Variants in SNX29 observed in about 807,000 individuals in gnomAD.
SNX29 encodes the protein sorting nexin 29.
In SNX29, 78 loss-of-function variants were observed where a neutral mutation model predicts 102.1. The observed-to-expected ratio is 0.76, with a 90% CI of 0.64 to 0.92. SNX29 has a LOEUF of 0.92. SNX29 is among the 40% of genes least tolerant of loss of function. The pLI is 0.00. For synonymous variants in SNX29, 580 were observed against 414.5 expected, an observed-to-expected ratio of 1.40 and a Z score of -4.85; for missense variants, 1,280 against 1,061.7, an observed-to-expected ratio of 1.21 and a Z score of -2.86.
At chr16:12,232,684 C>G (rs1393412321) in intron 14 of SNX29, among the ~76,000 whole-genome samples, 6 of 152,134 alleles carry the variant, frequency 3.9e-5, no homozygotes, top group Admixed American at 2.6e-4. Context: ...CAACAAGGAC[C>G]CTTTTCCTTT....
intron 20 of SNX29, among the ~76,000 whole-genome samples, chr16:12,551,252 C>G (rs546419971): frequency 1.3e-5 from 2 of 152,292 alleles, no homozygotes; most frequent in South Asian, 2.1e-4. Context: ...CTAAAAATCA[C>G]TGCTCCGGAG....
At chr16:12,384,819 G>A (rs2083289560) in intron 16 of SNX29, among the ~76,000 whole-genome samples, 1 of 152,178 alleles carries the variant, frequency 6.6e-6, no homozygotes, top group Non-Finnish European at 1.5e-5. Context: ...TGGGGCAGTA[G>A]GAAATAAACC....
intron 3 of SNX29, among the ~76,000 whole-genome samples, chr16:12,016,461 T>G (rs549943620): frequency 1.3e-5 from 2 of 152,218 alleles, no homozygotes; most frequent in African/African-American, 2.4e-5. Flanking sequence ...GGCACAAGAG[T>G]GTCATTGCTA....
intron 14 of SNX29, among the ~76,000 whole-genome samples, chr16:12,238,573 C>T (rs1233127869): frequency 6.6e-6 from 1 of 152,224 alleles, no homozygotes; most frequent in African/African-American, 2.4e-5. Flanking sequence ...ATCCGCCCGC[C>T]TTGGCCTCCC....
intron 20 of SNX29, among the ~76,000 whole-genome samples, chr16:12,535,671 G>T (rs1194455298): frequency 6.6e-6 from 1 of 152,162 alleles, no homozygotes; most frequent in Non-Finnish European, 1.5e-5. Flanking sequence ...CAGGGCTGGG[G>T]CTTTCCAGGT....
At chr16:12,537,205 G>A (rs1192902279) in intron 20 of SNX29, among the ~76,000 whole-genome samples, 1 of 152,178 alleles carries the variant, frequency 6.6e-6, no homozygotes, top group African/African-American at 2.4e-5. Context: ...CTAAATTGCT[G>A]AGCTTAGAGA....
At chr16:12,316,549 C>T (rs2080749173) in intron 15 of SNX29, among the ~76,000 whole-genome samples, 1 of 152,012 alleles carries the variant, frequency 6.6e-6, no homozygotes, top group South Asian at 2.1e-4. Flanking sequence ...TTTCAAAAAA[C>T]AACAAAAAAA....
chr16:12,176,920 G>A (rs1274429703), intron 13 of SNX29, among the ~76,000 whole-genome samples: 1 of 151,898 alleles, frequency 6.6e-6, no homozygotes, highest in Non-Finnish European at 1.5e-5. Flanking sequence ...CAGGTCCTGG[G>A]GTCGGGCTGT....
At chr16:12,315,592 T>TGC (rs1258000373) in intron 15 of SNX29, among the ~76,000 whole-genome samples, 1 of 152,072 alleles carries the variant, frequency 6.6e-6, no homozygotes, top group African/African-American at 2.4e-5. Context: ...GATGAGACAG[T>TGC]GTAAAGACAC....
At chr16:12,377,761 T>C (rs1257669255) in intron 16 of SNX29, among the ~76,000 whole-genome samples, 3 of 152,158 alleles carry the variant, frequency 2.0e-5, no homozygotes, top group South Asian at 2.1e-4. Flanking sequence ...GAGCCACTCA[T>C]TTAGCCCATG....
At chr16:12,398,532 C>T (rs1207530785) in intron 17 of SNX29, 31 bp downstream of exon 17, 1 of 1,613,056 alleles carries the variant, frequency 6.2e-7, no homozygotes, top group Non-Finnish European at 8.5e-7. Flanking sequence ...CACAAGGGGT[C>T]CTTTAGAAAC....
chr16:12,129,229 C>A (rs1290009132), intron 12 of SNX29, among the ~76,000 whole-genome samples: 1 of 152,186 alleles, frequency 6.6e-6, no homozygotes, highest in African/African-American at 2.4e-5. Flanking sequence ...CCTCTCCTGG[C>A]ATCCTTTCCT....
At chr16:12,066,773 C>A (rs1286793744) in intron 9 of SNX29, among the ~76,000 whole-genome samples, 4 of 151,640 alleles carry the variant, frequency 2.6e-5, no homozygotes, top group African/African-American at 7.3e-5. Context: ...GGAGGGGTTC[C>A]TTGGGCCATT....
chr16:12,417,305 C>G (rs2084676449), intron 18 of SNX29, among the ~76,000 whole-genome samples: 1 of 152,238 alleles, frequency 6.6e-6, no homozygotes. Context: ...CTAGAGTGCT[C>G]TGGTTCCAGA....
intron 2 of SNX29, 94 bp from the exon 3 acceptor site, chr16:12,002,897 C>T: frequency 2.1e-6 from 3 of 1,421,288 alleles, no homozygotes; most frequent in Non-Finnish European, 2.0e-6. Flanking sequence ...TCCCGTGTCC[C>T]CTCCCTGACC....
chr16:12,483,932 G>T (rs1013354604), intron 19 of SNX29, among the ~76,000 whole-genome samples: 6 of 152,212 alleles, frequency 3.9e-5, no homozygotes, highest in Non-Finnish European at 8.8e-5. Flanking sequence ...CTAATGCCCA[G>T]GGAGCAAAGG....
In SNX29 at chr16:12,572,917, GGA is replaced by G. The variant is rs1157520454; in HGVS notation, c.*4290_*4291del. On this transcript the variant is annotated 3_prime_UTR_variant, in exon 21 of 21. Transcript: ENST00000566228. The stretch of plus-strand genomic sequence containing the variant: ...TTTCGCTCGGAATCACGGCAGACTT[GGA>G]GTGTTTCTTCAAGGCAGGCATCTGC... 1.4e-5 allele frequency: 14 copies of G among 983,810 alleles called. No individual in the cohort carries two copies. The highest frequency in any genetic ancestry group is 1.7e-5 in the Non-Finnish European group (14 of 805,944). 60.9% of individuals were successfully genotyped at this position (983,810 alleles called of 1,614,324 possible).
chr16:12,459,252 C>T (rs4780441), intron 18 of SNX29, among the ~76,000 whole-genome samples: 55,361 of 150,668 alleles, frequency 0.37, 10,972 homozygotes, highest in East Asian at 0.46. Flanking sequence ...TGGGGCTCAC[C>T]AGCAGCTCTG....
At chr16:12,014,732 C>CAAAAAAAAAAA (rs201224471) in intron 3 of SNX29, among the ~76,000 whole-genome samples, 6 of 71,996 alleles carry the variant, frequency 8.3e-5, no homozygotes, top group African/African-American at 1.3e-4. Context: ...AGCTCCGTCT[C>CAAAAAAAAAAA]AAAAAAAAAA....
Sources: gnomAD v4.1 joint callset for allele counts (sites outside exome capture counted in the v4.1 genomes callset) on GRCh38, gnomAD v4.1.1 for gene constraint, MANE v1.5 for transcripts, NCBI Gene and HGNC (gene_info 2026-07-23, HGNC 2026-07-21) for gene names.